The following GSDMC variants were observed in gnomAD, a reference collection of about 807,000 sequenced individuals.
GSDMC encodes the protein gasdermin C, also known as gasdermin-C.
Under a neutral mutation model 58.0 loss-of-function variants are expected in GSDMC, and 59 were observed. The ratio of observed to expected loss-of-function variants is 1.02; its 90% CI spans 0.82 to 1.26. GSDMC has a LOEUF of 1.26. Ranked by LOEUF, GSDMC falls within the 50% of genes most tolerant of loss-of-function variation. GSDMC has a pLI of 0.00. For synonymous variants in GSDMC, 241 were observed against 220.2 expected, an observed-to-expected ratio of 1.09 and a Z score of -0.83; for missense variants, 659 against 598.5, an observed-to-expected ratio of 1.10 and a Z score of -1.06.
At chr8:129,730,337 T>A in the GSDMC span, 1 of 1,335,978 alleles carries the variant, frequency 7.5e-7, no homozygotes, top group South Asian at 1.3e-5. Context: ...CACTGCATGA[T>A]CTTGAAACTG....
the GSDMC span, among the ~76,000 whole-genome samples, chr8:129,718,983 T>C: frequency 6.6e-6 from 1 of 151,794 alleles, no homozygotes. Flanking sequence ...AGCTGAACAA[T>C]GAGAACACAC....
chr8:129,725,833 C>T, the GSDMC span, among the ~76,000 whole-genome samples: 238 of 152,252 alleles, frequency 1.6e-3, 1 homozygote, highest in African/African-American at 5.3e-3. Context: ...TAGGGATCGG[C>T]CCAACTCCAA....
the GSDMC span, among the ~76,000 whole-genome samples, chr8:129,719,342 T>A: frequency 6.6e-6 from 1 of 152,212 alleles, no homozygotes; most frequent in Non-Finnish European, 1.5e-5. Context: ...TGAATGTTTA[T>A]GTACCTAATA....
the GSDMC span, among the ~76,000 whole-genome samples, chr8:129,734,282 C>A: frequency 6.6e-6 from 1 of 152,198 alleles, no homozygotes; most frequent in Non-Finnish European, 1.5e-5. Context: ...CTTCCCCAAT[C>A]TAGCAAGGCA....
At chr8:129,780,742 C>T (rs1012075623) in intron 1 of GSDMC, among the ~76,000 whole-genome samples, 2 of 152,142 alleles carry the variant, frequency 1.3e-5, no homozygotes, top group African/African-American at 2.4e-5. Context: ...CAGAAAAACA[C>T]AGAATATTAT....
chr8:129,748,827 G>C (rs2130313854), intron 13 of GSDMC, 87 bp from the exon 14 acceptor site: 2 of 1,119,004 alleles, frequency 1.8e-6, no homozygotes, highest in Middle Eastern at 4.7e-4. Context: ...GGCCATGCAG[G>C]ATAATAAAAG....
chr8:129,749,530 G>T lies in GSDMC; in HGVS notation c.1214-5C>A. The T allele has an allele frequency of 6.2e-7, 1 of 1,610,904 alleles. No individual in the cohort carries two copies. The highest frequency in any genetic ancestry group is 1.1e-5 in the South Asian group (1 of 91,012). On this transcript the variant is annotated splice_polypyrimidine_tract_variant and splice_region_variant and intron_variant, in intron 12 of 13. Transcript: ENST00000276708. ...CGTGTTGGAAGTCACTCAGCACTGA[G>T]GGTGGGGGACATGTGGGGAAAGACA... is the stretch of plus-strand genomic sequence containing the variant.
the GSDMC span, among the ~76,000 whole-genome samples, chr8:129,712,429 C>G: frequency 6.6e-6 from 1 of 152,122 alleles, no homozygotes; most frequent in Admixed American, 6.6e-5. Context: ...TGGTGCTAGG[C>G]CTATTTCCTA....
At chr8:129,771,936 A>T (rs114834280) in intron 3 of GSDMC, among the ~76,000 whole-genome samples, 2,880 of 152,322 alleles carry the variant, frequency 0.019, 102 homozygotes, top group African/African-American at 0.065. Context: ...AAAGAATTCA[A>T]ATCAACAACC....
intron 1 of GSDMC, among the ~76,000 whole-genome samples, chr8:129,778,170 A>T (rs557893558): frequency 6.6e-6 from 1 of 152,314 alleles, no homozygotes; most frequent in African/African-American, 2.4e-5. Context: ...ACAATAATGT[A>T]GAGGAGGCAG....
chr8:129,729,146 G>A, the GSDMC span: 3 of 662,680 alleles, frequency 4.5e-6, no homozygotes, highest in South Asian at 4.3e-5. Flanking sequence ...AAGACAGGAG[G>A]CAATGTTGTT....
At chr8:129,733,634 A>C in the GSDMC span, among the ~76,000 whole-genome samples, 1 of 152,220 alleles carries the variant, frequency 6.6e-6, no homozygotes, top group Non-Finnish European at 1.5e-5. Flanking sequence ...ACATCAACAA[A>C]AAGCACATCC....
rs770261241 is a variant in GSDMC at position 129,751,578 on chromosome 8, G to C, written c.917-10C>G. 4 of 1,611,592 alleles carry C rather than the reference G, an allele frequency of 2.5e-6. No homozygotes were observed. Among genetic ancestry groups the C allele is most frequent in the South Asian group, 1.1e-5 (1 of 90,958 alleles). On this transcript the variant is annotated splice_polypyrimidine_tract_variant and intron_variant, in intron 9 of 13. Transcript: ENST00000276708. ...GGTTCCTCTATTCTTCCTAGAAGGA[G>C]AATCAAGTCATCATCTCACTTCCTC...
At chr8:129,717,744 G>A in the GSDMC span, among the ~76,000 whole-genome samples, 2 of 152,094 alleles carry the variant, frequency 1.3e-5, no homozygotes, top group Non-Finnish European at 2.9e-5. Context: ...CAAAGCTGGA[G>A]GCATCATGCT....
Position 129,748,626 on chromosome 8 carries a change from G to T in GSDMC, c.1402C>A (p.Leu468Met). 6.2e-7 allele frequency: 1 copy of T among 1,612,994 alleles called. No individual in the cohort carries two copies. The highest frequency in any genetic ancestry group is 8.5e-7 in the Non-Finnish European group (1 of 1,179,526). The change falls in exon 14 of 14, where the codon CTG (leucine) becomes ATG (methionine). Residue 468 changes from leucine (L) to methionine (M), a missense_variant. Coordinates refer to ENST00000276708, the MANE Select transcript of GSDMC (RefSeq NM_031415.3). ...SEGLAITYGL[L>M]EECGLRMELD... ...TCCATCCTAAGGCCACACTCCTCCA[G>T]CAGGCCATAGGTGATGGCCAAACCC...
the GSDMC span, among the ~76,000 whole-genome samples, chr8:129,712,029 C>T: frequency 2.0e-5 from 3 of 152,126 alleles, no homozygotes; most frequent in African/African-American, 7.2e-5. Flanking sequence ...GCCTGAGGCA[C>T]AAGGATCACC....
chr8:129,772,189 A>G (rs1247911934), intron 3 of GSDMC, among the ~76,000 whole-genome samples: 1 of 145,248 alleles, frequency 6.9e-6, no homozygotes, highest in African/African-American at 2.5e-5. Context: ...TGAACCCGGG[A>G]GGCGGAGCAT....
At chr8:129,764,786 G>A (rs546509329) in intron 4 of GSDMC, among the ~76,000 whole-genome samples, 20 of 152,230 alleles carry the variant, frequency 1.3e-4, no homozygotes, top group Non-Finnish European at 2.2e-4. Context: ...ATTTCCAGTC[G>A]ATATTCTTAC....
chr8:129,722,697 A>G, the GSDMC span, among the ~76,000 whole-genome samples: 1 of 152,236 alleles, frequency 6.6e-6, no homozygotes, highest in African/African-American at 2.4e-5. Context: ...ATATTTATTG[A>G]ATAAATGAAT....
Sources: gnomAD v4.1 joint callset for allele counts (sites outside exome capture counted in the v4.1 genomes callset) on GRCh38, gnomAD v4.1.1 for gene constraint, MANE v1.5 for transcripts, NCBI Gene and HGNC (gene_info 2026-07-23, HGNC 2026-07-21) for gene names.